Variants in RAPGEF4 observed in about 807,000 individuals in gnomAD.
RAPGEF4 encodes RAP guanine-nucleotide-exchange factor (GEF) 4.
A neutral mutation model predicts 147.9 loss-of-function variants in RAPGEF4; 66 were observed. The observed-to-expected ratio is 0.45, with a 90% confidence interval of 0.37 to 0.55. RAPGEF4 has a LOEUF of 0.55. RAPGEF4 is among the 20% of genes least tolerant of loss of function. The pLI is 0.00. For missense variants in RAPGEF4, 1,071 were observed against 1,257.3 expected (o/e 0.85, Z 2.24); for synonymous variants, 419 against 442.7 (o/e 0.95, Z 0.67).
chr2:173,001,915 G>T (rs1210418346), intron 17 of RAPGEF4, among the ~76,000 whole-genome samples: 4 of 145,784 alleles, frequency 2.7e-5, no homozygotes, highest in Non-Finnish European at 4.5e-5. Context: ...TGAGATATGG[G>T]CAGGGACAAA....
chr2:172,793,559 C>A (rs376993061), intron 1 of RAPGEF4, among the ~76,000 whole-genome samples: 2 of 152,166 alleles, frequency 1.3e-5, no homozygotes, highest in African/African-American at 2.4e-5. Context: ...TCATCCAGTT[C>A]GTTTCCTCTG....
At chr2:172,765,211 A>T (rs1696712937) in intron 1 of RAPGEF4, among the ~76,000 whole-genome samples, 1 of 152,130 alleles carries the variant, frequency 6.6e-6, no homozygotes, top group South Asian at 2.1e-4. Flanking sequence ...TCTCAGAAGG[A>T]CACTGGTCAT....
intron 8 of RAPGEF4, among the ~76,000 whole-genome samples, chr2:172,963,142 A>G (rs1305850061): frequency 1.3e-5 from 2 of 152,124 alleles, no homozygotes; most frequent in Non-Finnish European, 2.9e-5. Flanking sequence ...CTCACTCACT[A>G]TCACAAGAAA....
chr2:172,883,971 A>T (rs189964992), intron 4 of RAPGEF4, among the ~76,000 whole-genome samples: 140 of 152,336 alleles, frequency 9.2e-4, no homozygotes, highest in African/African-American at 2.7e-3. Flanking sequence ...CGGTCAGTGA[A>T]ATAATTGGCC....
At chr2:172,860,389 C>T (rs1693893006) in intron 4 of RAPGEF4, 1 of 889,508 alleles carries the variant, frequency 1.1e-6, no homozygotes, top group Non-Finnish European at 1.3e-6. Flanking sequence ...TCATGGAAGC[C>T]TCAAGCATGT....
chr2:172,836,602 G>C (rs576483537), intron 4 of RAPGEF4, among the ~76,000 whole-genome samples: 22 of 152,334 alleles, frequency 1.4e-4, no homozygotes, highest in African/African-American at 5.1e-4. Flanking sequence ...CTGCTTTCCA[G>C]CTGAATGATG....
chr2:172,878,839 G>T (rs7580552), intron 4 of RAPGEF4, among the ~76,000 whole-genome samples: 1 of 152,146 alleles, frequency 6.6e-6, no homozygotes, highest in Non-Finnish European at 1.5e-5. Context: ...TCATAAAGAC[G>T]TAAATGGAGA....
chr2:172,855,441 A>G (rs1414907716), intron 4 of RAPGEF4, among the ~76,000 whole-genome samples: 3 of 152,168 alleles, frequency 2.0e-5, no homozygotes, highest in Non-Finnish European at 4.4e-5. Flanking sequence ...CTGTAATACA[A>G]GTAATATTTT....
chr2:173,012,190 G>A lies in RAPGEF4; in HGVS notation c.1659-2274G>A, dbSNP rs1284868894. On this transcript the variant is annotated intron_variant, in intron 17 of 30. Transcript: ENST00000397081. ...GCACTATCACTTAGACTTAGAAGAG[G>A]GACTAGAGGGAAGAAGCCTAGCCTC... Among the ~76,000 whole-genome samples the A allele has an allele frequency of 2.6e-5, 4 of 152,134 alleles. No homozygotes were observed. In the East Asian group the frequency reaches 7.7e-4, roughly 29 times the overall value.
At chr2:172,856,220 A>C (rs964286898) in intron 4 of RAPGEF4, among the ~76,000 whole-genome samples, 1 of 151,998 alleles carries the variant, frequency 6.6e-6, no homozygotes, top group Non-Finnish European at 1.5e-5. Context: ...ACATTTTATT[A>C]TTATTTTTCC....
Position 173,051,751 on chromosome 2 carries a change from A to G in RAPGEF4, c.3020A>G (p.Glu1007Gly). ...RTLSQMSHRL[E>G]PRRP is the part of the protein sequence containing the mutation. ...TTATCACAGATGTCACACAGATTAG[A>G]GCCTCGTCGACCATAGACATTTCAA... The change falls in exon 31 of 31, where the codon GAG becomes GGG. Residue 1007 changes from glutamate (E) to glycine (G), a missense_variant. Transcript: ENST00000397081. 1 of 1,614,012 alleles carries G rather than the reference A, an allele frequency of 6.2e-7. No homozygotes were observed. The highest frequency in any genetic ancestry group is 8.5e-7 in the Non-Finnish European group (1 of 1,179,906).
At chr2:172,788,666 G>C (rs1192633615) in intron 1 of RAPGEF4, among the ~76,000 whole-genome samples, 2 of 151,914 alleles carry the variant, frequency 1.3e-5, no homozygotes, top group Non-Finnish European at 1.5e-5. Flanking sequence ...AGGAGGATTG[G>C]TTGAGCCTAG....
At chr2:173,046,413 A>G (rs1685477526) in intron 29 of RAPGEF4, among the ~76,000 whole-genome samples, 1 of 152,184 alleles carries the variant, frequency 6.6e-6, no homozygotes, top group Non-Finnish European at 1.5e-5. Flanking sequence ...ACTCCCTACA[A>G]AATGGTATAG....
At chr2:172,917,608 AT>A in intron 4 of RAPGEF4, 193 bp from the exon 5 acceptor site, 1 of 680,170 alleles carries the variant, frequency 1.5e-6, no homozygotes, top group Non-Finnish European at 2.7e-6. Flanking sequence ...ATTCAGTCTT[AT>A]TCAGGAAGAC....
rs1005672584 is a variant in RAPGEF4, at chr2:172,983,683, T to C, written c.1089+103T>C. The C allele has an allele frequency of 2.7e-6, 4 of 1,493,720 alleles. No homozygotes were observed. In the African/African-American group the frequency reaches 4.2e-5, roughly 16 times the overall value. 92.5% of individuals were successfully genotyped at this position (1,493,720 alleles called of 1,614,324 possible). A position where few individuals can be genotyped will look rare whatever the true frequency, so the allele number is the denominator to read the frequency against. On this transcript the variant is annotated intron_variant, in intron 11 of 30. Coordinates refer to ENST00000397081, the MANE Select transcript of RAPGEF4 (RefSeq NM_007023.4). ...TGTTGTGGGGGGAAAGAATGTCTGA[T>C]TTTCACCTCATAAATCACCTCTACT...
At chr2:172,825,496 T>A (rs1189655367) in intron 4 of RAPGEF4, among the ~76,000 whole-genome samples, 1 of 152,254 alleles carries the variant, frequency 6.6e-6, no homozygotes, top group Non-Finnish European at 1.5e-5. Context: ...ATTACTGGGA[T>A]GCTTGAGGTT....
chr2:172,928,157 T>G (rs1476665596), intron 6 of RAPGEF4: 1 of 453,568 alleles, frequency 2.2e-6, no homozygotes, highest in Non-Finnish European at 4.4e-6. Context: ...ATACCGTGAC[T>G]TCATGTTGAA....
chr2:172,829,767 A>T (rs1383330268), intron 4 of RAPGEF4, among the ~76,000 whole-genome samples: 1 of 149,512 alleles, frequency 6.7e-6, no homozygotes, highest in Non-Finnish European at 1.5e-5. Context: ...GCCTTTTAGT[A>T]ATATAATAAC....
intron 23 of RAPGEF4, among the ~76,000 whole-genome samples, chr2:173,025,629 G>C (rs571769467): frequency 6.6e-6 from 1 of 152,164 alleles, no homozygotes; most frequent in African/African-American, 2.4e-5. Flanking sequence ...TTTCAGTAGA[G>C]ACAGGGTTTC....
Sources: allele counts gnomAD v4.1 joint callset (sites outside exome capture counted in the v4.1 genomes callset), GRCh38; gene constraint gnomAD v4.1.1; transcripts MANE v1.5; gene names NCBI Gene and HGNC (gene_info 2026-07-23, HGNC 2026-07-21).